Variants in FRMD3 observed in about 807,000 individuals in gnomAD.
The protein encoded by FRMD3 is FERM domain containing 3.
In FRMD3, 33 loss-of-function variants were observed where a neutral mutation model predicts 70.2. That is an observed-to-expected ratio of 0.47 (90% CI 0.36 to 0.63). FRMD3 has a LOEUF of 0.63. FRMD3 is among the 20% of genes least tolerant of loss of function. The pLI, the probability that FRMD3 is intolerant of heterozygous loss-of-function variation, is 0.00. For missense variants in FRMD3, 632 were observed against 711.4 expected (o/e 0.89, Z 1.27); for synonymous variants, 279 against 255.9 (o/e 1.09, Z -0.86).
intron 3 of FRMD3, among the ~76,000 whole-genome samples, chr9:83,370,866 G>T (rs1467081705): frequency 6.6e-6 from 1 of 152,134 alleles, no homozygotes; most frequent in African/African-American, 2.4e-5. Flanking sequence ...AGCCAAGATT[G>T]CACCACTGCA....
chr9:83,248,177 T>C lies in FRMD3; in HGVS notation c.1535A>G (p.Tyr512Cys), dbSNP rs761926686. ...KEARRALSWS[Y>C]DILTGHIRVN... ...CCGAATATGGCCAGTCAGAATGTCA[T>C]AGCTCCACGACAAAGCACGGCGAGC... The change falls in exon 14 of 14, where the codon TAT becomes TGT. Residue 512 changes from tyrosine (Y) to cysteine (C), a missense_variant. Physicochemically the swap from Tyr to Cys is radical, Grantham distance 194. Coordinates refer to ENST00000304195, the MANE Select transcript of FRMD3 (RefSeq NM_174938.6). 6.8e-6 allele frequency: 11 copies of C among 1,614,198 alleles called. No individual in the cohort carries two copies. In the South Asian group the frequency reaches 1.2e-4, roughly 18 times the overall value.
chr9:83,272,893 C>T, intron 13 of FRMD3, among the ~76,000 whole-genome samples: 1 of 148,052 alleles, frequency 6.8e-6, no homozygotes, highest in African/African-American at 2.5e-5. Context: ...GTGAGGAGCC[C>T]CTCCGCCCGG....
intron 7 of FRMD3, among the ~76,000 whole-genome samples, chr9:83,312,360 C>T (rs1835394184): frequency 6.6e-6 from 1 of 152,142 alleles, no homozygotes; most frequent in East Asian, 1.9e-4. Context: ...AAACCAAAGC[C>T]CTGAGCATCT....
intron 13 of FRMD3, among the ~76,000 whole-genome samples, chr9:83,277,513 T>TG (rs1454322429): frequency 3.9e-5 from 6 of 152,158 alleles, no homozygotes; most frequent in African/African-American, 1.4e-4. Flanking sequence ...TACAGGCACA[T>TG]GCCATTACCC....
At chr9:83,538,502 G>A (rs1829954289), upstream of FRMD3, 4 of 300,820 alleles carry the variant, frequency 1.3e-5, no homozygotes, top group East Asian at 1.6e-4. This position sits in a 1 kb window ranked among gnomAD's most constrained non-coding sequence, Gnocchi z 4.7. Flanking sequence ...GCCCGGGCTC[G>A]CTCGCCGAGG....
intron 1 of FRMD3, among the ~76,000 whole-genome samples, chr9:83,465,168 A>ATGTG (rs1828092141): frequency 6.6e-6 from 1 of 152,178 alleles, no homozygotes; most frequent in Non-Finnish European, 1.5e-5. Flanking sequence ...CACCAACAAT[A>ATGTG]TGTGAGGTTC....
intron 1 of FRMD3, among the ~76,000 whole-genome samples, chr9:83,473,638 A>G (rs1180293752): frequency 6.6e-6 from 1 of 152,206 alleles, no homozygotes; most frequent in African/African-American, 2.4e-5. Context: ...TACATCATAC[A>G]CTTTCGCCAA....
the FRMD3 span, among the ~76,000 whole-genome samples, chr9:83,561,311 A>G: frequency 6.6e-6 from 1 of 152,124 alleles, no homozygotes; most frequent in Non-Finnish European, 1.5e-5. Flanking sequence ...TTTTTTTTAC[A>G]TAAGGCTTTC....
intron 3 of FRMD3, among the ~76,000 whole-genome samples, chr9:83,365,263 A>C (rs1393575478): frequency 6.6e-6 from 1 of 152,206 alleles, no homozygotes; most frequent in East Asian, 1.9e-4. Context: ...TTTATTAAGA[A>C]TATTAACCAA....
rs535659974 is a variant in FRMD3, at chr9:83,521,202, CTG to C, written c.147+16881_147+16882del. Among the ~76,000 whole-genome samples the C allele has an allele frequency of 6.8e-3, 1,041 of 152,126 alleles. 7 individuals are homozygous for C. Among genetic ancestry groups the C allele is most frequent in the Middle Eastern group, 0.01 (3 of 294 alleles). On this transcript the variant is annotated intron_variant, in intron 1 of 13. Coordinates refer to ENST00000304195, the MANE Select transcript of FRMD3 (RefSeq NM_174938.6). ...ATATTAAGAAAGACTTGCTTCATCACTGAAGGTCACAAGTTGTGAAACTATCA... is the reference window on the plus strand; with the variant it reads ...ATATTAAGAAAGACTTGCTTCATCACAAGGTCACAAGTTGTGAAACTATCA...
At chr9:83,505,651 A>G (rs1309341015) in intron 1 of FRMD3, among the ~76,000 whole-genome samples, 1 of 152,158 alleles carries the variant, frequency 6.6e-6, no homozygotes, top group Non-Finnish European at 1.5e-5. Flanking sequence ...CAGCTTCAAA[A>G]TCATCAAAAA....
intron 1 of FRMD3, among the ~76,000 whole-genome samples, chr9:83,420,472 G>C (rs1168680286): frequency 6.6e-6 from 1 of 152,160 alleles, no homozygotes; most frequent in Non-Finnish European, 1.5e-5. Flanking sequence ...TCCTAGGAAT[G>C]GTGATTCCCA....
intron 12 of FRMD3, among the ~76,000 whole-genome samples, chr9:83,296,756 T>G (rs1023118867): frequency 8.5e-5 from 13 of 152,180 alleles, no homozygotes; most frequent in South Asian, 2.1e-4. Context: ...TCAGCATGTA[T>G]CCACTTTCCT....
intron 3 of FRMD3, 103 bp downstream of exon 3, chr9:83,372,810 C>T (rs1825019727): frequency 9.5e-7 from 1 of 1,054,546 alleles, no homozygotes; most frequent in East Asian, 2.4e-5. Context: ...CCCCCAACAC[C>T]TCTTCAACTC....
In FRMD3 at chr9:83,538,047, G is replaced by A. The variant is rs1429301785; in HGVS notation, c.147+38C>T. The A allele has an allele frequency of 1.2e-6, 2 of 1,603,714 alleles. No homozygotes were observed. The highest frequency in any genetic ancestry group is 2.2e-5 in the East Asian group (1 of 44,582). On this transcript the variant is annotated intron_variant, in intron 1 of 13. Transcript: ENST00000304195. The surrounding 1 kb of genome is among the most constrained non-coding windows in gnomAD (Gnocchi z 4.7). ...CGCAAAGGCCCCCCGCCCTGCTCCC[G>A]GCGTGTGCCCCGCGCCCTCGCCCGG...
the FRMD3 span, among the ~76,000 whole-genome samples, chr9:83,545,502 C>T: frequency 1.3e-4 from 19 of 151,366 alleles, no homozygotes; most frequent in Admixed American, 4.6e-4. Context: ...GGACTACAAG[C>T]GCCCACCACC....
At chr9:83,402,121 T>C (rs1825966217) in intron 1 of FRMD3, among the ~76,000 whole-genome samples, 1 of 151,736 alleles carries the variant, frequency 6.6e-6, no homozygotes, top group East Asian at 1.9e-4. Context: ...TTGTGGCTCA[T>C]ATTTTTTAAA....
At chr9:83,248,850 CT>C (rs1336229189) in intron 13 of FRMD3, among the ~76,000 whole-genome samples, 1 of 152,112 alleles carries the variant, frequency 6.6e-6, no homozygotes, top group Non-Finnish European at 1.5e-5. Flanking sequence ...ATTATGAGCA[CT>C]GTTTTTTTAG....
At chr9:83,385,239 T>C (rs2131287910) in intron 2 of FRMD3, among the ~76,000 whole-genome samples, 1 of 152,322 alleles carries the variant, frequency 6.6e-6, no homozygotes, top group East Asian at 1.9e-4. Flanking sequence ...CTAGAATTAC[T>C]TCTAGACTTA....
Sources: allele counts gnomAD v4.1 joint callset (sites outside exome capture counted in the v4.1 genomes callset), GRCh38; gene constraint gnomAD v4.1.1; non-coding constraint Gnocchi (gnomAD v3.1); transcripts MANE v1.5; gene names NCBI Gene and HGNC (gene_info 2026-07-23, HGNC 2026-07-21).